The following MROH7 variants were observed in gnomAD, a reference collection of about 807,000 sequenced individuals.
The protein encoded by MROH7 is maestro heat like repeat family member 7.
MROH7 carries 113 observed loss-of-function variants against 129.2 expected under a neutral mutation model. That is an observed-to-expected ratio of 0.87 (90% CI 0.75 to 1.02). The LOEUF (loss-of-function observed/expected upper bound fraction) is 1.02, where lower values mean the gene tolerates loss of function less well. Among genes scored for constraint, MROH7 ranks in the 50% least tolerant of loss-of-function variants. The pLI is 0.00. For missense variants in MROH7, 1,601 were observed against 1,671.3 expected (o/e 0.96, Z 0.73); for synonymous variants, 655 against 667.9 (o/e 0.98, Z 0.30).
At position 54,702,618 on chromosome 1, in the gene MROH7, C is replaced by T. The variant is rs368370793; in HGVS notation, c.3442-5C>T. ...TTCTGATATTTTCTTCCTATTGGTTCCCAGAAGTGTGTGAAGACCCTGTTA... is the reference window on the plus strand; with the variant it reads ...TTCTGATATTTTCTTCCTATTGGTTTCCAGAAGTGTGTGAAGACCCTGTTA... On this transcript the variant is annotated splice_polypyrimidine_tract_variant and splice_region_variant and intron_variant, in intron 20 of 23. Coordinates refer to ENST00000421030, the MANE Select transcript of MROH7 (RefSeq NM_001039464.4). 1 of 1,599,984 alleles carries T rather than the reference C, an allele frequency of 6.3e-7. No individual in the cohort carries two copies. Among genetic ancestry groups the T allele is most frequent in the East Asian group, 2.2e-5 (1 of 44,554 alleles).
intron 14 of MROH7, 109 bp downstream of exon 14, chr1:54,682,903 A>G: frequency 7.9e-7 from 1 of 1,272,106 alleles, no homozygotes; most frequent in Non-Finnish European, 1.1e-6. Context: ...CTCTGCCAGT[A>G]ACTAGTTGTG....
intron 15 of MROH7, among the ~76,000 whole-genome samples, chr1:54,686,730 G>T (rs900170624): frequency 1.3e-5 from 2 of 152,108 alleles, no homozygotes; most frequent in African/African-American, 4.8e-5. Flanking sequence ...CTCCCTAGAG[G>T]TATTATTTGT....
At chr1:54,642,486 A>G (rs1702019) in intron 1 of MROH7, among the ~76,000 whole-genome samples, 61,200 of 152,088 alleles carry the variant, frequency 0.4, 12,520 homozygotes, top group South Asian at 0.49. Context: ...GGAATAAGAA[A>G]CAGGAAGACA....
intron 5 of MROH7, among the ~76,000 whole-genome samples, chr1:54,669,464 A>C (rs1644861778): frequency 6.6e-6 from 1 of 152,196 alleles, no homozygotes; most frequent in African/African-American, 2.4e-5. Flanking sequence ...CCTTCATTTA[A>C]CTAACATTAA....
At chr1:54,690,260 T>G (rs1468243904) in intron 15 of MROH7, among the ~76,000 whole-genome samples, 27 of 70,436 alleles carry the variant, frequency 3.8e-4, no homozygotes, top group Admixed American at 1.4e-3. Flanking sequence ...ACTTTGGGAG[T>G]GGGGTGAGAA....
chr1:54,709,306 C>T (rs773037368), intron 23 of MROH7, among the ~76,000 whole-genome samples: 3 of 152,144 alleles, frequency 2.0e-5, no homozygotes, highest in Admixed American at 1.3e-4. Flanking sequence ...TGCAACCTCT[C>T]GCTCCTGGTT....
At position 54,710,223 on chromosome 1, in the gene MROH7, A is replaced by T. The variant is rs772842783; in HGVS notation, c.*36A>T. 4 of 1,598,608 alleles carry T rather than the reference A, an allele frequency of 2.5e-6. No homozygotes were observed. In the South Asian group the frequency reaches 3.3e-5, roughly 13 times the overall value. On this transcript the variant is annotated 3_prime_UTR_variant, in exon 24 of 24. Coordinates refer to ENST00000421030, the MANE Select transcript of MROH7 (RefSeq NM_001039464.4). ...CCCCAAACCCTCCTCAGGGTGGTTG[A>T]GTTCCAGCCATGCTCCCTATAAATG...
At chr1:54,657,030 C>CA (rs1644659984) in intron 3 of MROH7, among the ~76,000 whole-genome samples, 1 of 143,222 alleles carries the variant, frequency 7.0e-6, no homozygotes, top group African/African-American at 2.5e-5. Context: ...ATATAAAAAA[C>CA]AAAAAAATTC....
chr1:54,692,656 C>T, intron 16 of MROH7, 95 bp downstream of exon 16: 1 of 1,326,400 alleles, frequency 7.5e-7, no homozygotes, highest in Non-Finnish European at 1.0e-6. Flanking sequence ...TCTCCCTGGG[C>T]AAGACCCTTT....
chr1:54,664,876 A>G (rs1335571546), intron 3 of MROH7, among the ~76,000 whole-genome samples: 1 of 152,040 alleles, frequency 6.6e-6, no homozygotes, highest in Non-Finnish European at 1.5e-5. Context: ...GACGGGTGTG[A>G]TGGCGGGTGC....
intron 3 of MROH7, among the ~76,000 whole-genome samples, chr1:54,661,450 G>A (rs1052384626): frequency 2.0e-5 from 3 of 152,142 alleles, no homozygotes; most frequent in African/African-American, 7.2e-5. Flanking sequence ...GACCTCAGGT[G>A]ATCTGCCCAC....
chr1:54,674,222 C>T (rs1644948296), intron 10 of MROH7, 71 bp downstream of exon 10: 12 of 1,533,816 alleles, frequency 7.8e-6, no homozygotes. Flanking sequence ...AATAAAGAAT[C>T]AGCTGGAGCC....
At chr1:54,670,692 C>G in intron 6 of MROH7, 108 bp from the exon 7 acceptor site, 1 of 784,138 alleles carries the variant, frequency 1.3e-6, no homozygotes, top group Non-Finnish European at 1.9e-6. Flanking sequence ...TCGCCCGGTG[C>G]CTTTTCCCCT....
At chr1:54,690,453 CTT>C (rs767848151) in intron 15 of MROH7, among the ~76,000 whole-genome samples, 2 of 143,724 alleles carry the variant, frequency 1.4e-5, no homozygotes, top group Non-Finnish European at 1.5e-5. Context: ...TTTTTTTTTC[CTT>C]TTTTTTTTTA....
chr1:54,666,425 A>ATTTTTT (rs71048704), intron 4 of MROH7, among the ~76,000 whole-genome samples: 937 of 69,170 alleles, frequency 0.014, 73 homozygotes, highest in African/African-American at 0.03. Context: ...GAGAAGAGGA[A>ATTTTTT]TTTTTTTTTT....
chr1:54,675,589 T>A (rs2101119967), intron 10 of MROH7, among the ~76,000 whole-genome samples: 1 of 142,310 alleles, frequency 7.0e-6, no homozygotes, highest in African/African-American at 2.6e-5. Flanking sequence ...CTATTCTGGC[T>A]CGGGACGCTG....
Position 54,653,003 on chromosome 1 carries a change from C to T in MROH7, c.77C>T (p.Ala26Val). The change falls in exon 3 of 24, where the codon GCC (alanine) becomes GTC (valine). Residue 26 changes from alanine (A) to valine (V), a missense_variant. Physicochemically the swap from Ala to Val is moderately conservative, Grantham distance 64. Coordinates refer to ENST00000421030, the MANE Select transcript of MROH7 (RefSeq NM_001039464.4). The stretch of plus-strand genomic sequence containing the variant: ...ACACCAAGTCCCCCCTCCTGTGGGG[C>T]CCCGGGATTAGGGTCTGGTACCATC... The part of the protein sequence containing the change: ...KMTPSPPSCG[A>V]PGLGSGTIPQ... 1 of 1,613,512 alleles carries T rather than the reference C, an allele frequency of 6.2e-7. No individual in the cohort carries two copies. Among genetic ancestry groups the T allele is most frequent in the South Asian group, 1.1e-5 (1 of 90,942 alleles).
chr1:54,657,441 C>T (rs1375384278), intron 3 of MROH7, among the ~76,000 whole-genome samples: 1 of 152,058 alleles, frequency 6.6e-6, no homozygotes. Context: ...TGCAGTGGAG[C>T]GATGATAGCT....
At position 54,710,083 on chromosome 1, in the gene MROH7, AC is replaced by A. The variant is rs1557736180; in HGVS notation, c.3871del (p.His1291ThrfsTer31). 1 of 1,613,952 alleles carries A rather than the reference AC, an allele frequency of 6.2e-7. No homozygotes were observed. Among genetic ancestry groups the A allele is most frequent in the East Asian group, 2.2e-5 (1 of 44,870 alleles). On this transcript the variant is annotated frameshift_variant, in exon 24 of 24. Coordinates refer to ENST00000421030, the MANE Select transcript of MROH7 (RefSeq NM_001039464.4). LOFTEE classifies it high-confidence loss of function. ...GNSWVCYSAT[T>X]HRWSPSCENL... ...CTCATGGGTGTGTTACTCAGCCACCACCCACCGCTGGAGCCCCAGCTGTGAG... is the reference window on the plus strand; with the variant it reads ...CTCATGGGTGTGTTACTCAGCCACCACCACCGCTGGAGCCCCAGCTGTGAG...
Sources: allele counts gnomAD v4.1 joint callset (sites outside exome capture counted in the v4.1 genomes callset), GRCh38; gene constraint gnomAD v4.1.1; transcripts MANE v1.5; gene names NCBI Gene and HGNC (gene_info 2026-07-23, HGNC 2026-07-21).